The following AGBL4 variants were observed in gnomAD, a reference collection of about 807,000 sequenced individuals.
The protein encoded by AGBL4 is cytosolic carboxypeptidase 6.
Under a neutral mutation model 66.4 loss-of-function variants are expected in AGBL4, and 58 were observed. The ratio of observed to expected loss-of-function variants is 0.87; its 90% CI spans 0.71 to 1.09. The LOEUF is 1.09. Among genes scored for constraint, AGBL4 ranks in the 50% least tolerant of loss-of-function variants. The pLI is 0.00. For missense variants in AGBL4, 579 were observed against 631.0 expected (o/e 0.92, Z 0.88); for synonymous variants, 234 against 222.9 (o/e 1.05, Z -0.44).
At chr1:49,628,538 G>A (rs1171936271) in intron 3 of AGBL4, among the ~76,000 whole-genome samples, 3 of 152,156 alleles carry the variant, frequency 2.0e-5, no homozygotes, top group Non-Finnish European at 4.4e-5. Flanking sequence ...TCTACATGAA[G>A]AGGATGGGGT....
At chr1:49,736,721 C>T (rs1406225087) in intron 2 of AGBL4, among the ~76,000 whole-genome samples, 2 of 151,814 alleles carry the variant, frequency 1.3e-5, no homozygotes, top group East Asian at 1.9e-4. Flanking sequence ...ATCAACAGAG[C>T]AAACAGACAA....
At chr1:48,597,615 A>G (rs1645012970) in intron 9 of AGBL4, among the ~76,000 whole-genome samples, 1 of 151,442 alleles carries the variant, frequency 6.6e-6, no homozygotes, top group African/African-American at 2.4e-5. Context: ...TTGTCTTTCA[A>G]AAAGGAAATG....
At chr1:49,935,893 A>G (rs1653948282) in intron 1 of AGBL4, among the ~76,000 whole-genome samples, 2 of 152,202 alleles carry the variant, frequency 1.3e-5, no homozygotes, top group South Asian at 4.1e-4. Flanking sequence ...GGGAAAAAAC[A>G]GAGCAGAAAA....
At chr1:49,325,305 T>G (rs116367713) in intron 3 of AGBL4, among the ~76,000 whole-genome samples, 3 of 152,206 alleles carry the variant, frequency 2.0e-5, no homozygotes, top group Non-Finnish European at 4.4e-5. Flanking sequence ...TTAATGAAGA[T>G]AACTTACAAA....
chr1:49,767,645 A>T (rs754689175), intron 2 of AGBL4, among the ~76,000 whole-genome samples: 2 of 152,130 alleles, frequency 1.3e-5, no homozygotes, highest in Non-Finnish European at 2.9e-5. Context: ...AATCTATACA[A>T]ATGATCAACA....
At chr1:49,541,850 CTG>C (rs1379871774) in intron 3 of AGBL4, among the ~76,000 whole-genome samples, 2 of 152,192 alleles carry the variant, frequency 1.3e-5, no homozygotes, top group Admixed American at 6.5e-5. Flanking sequence ...AATCAGCACT[CTG>C]TGTCTAGCTC....
chr1:48,837,711 C>CACTATATATATATATATA (rs1471719980), intron 6 of AGBL4, among the ~76,000 whole-genome samples: 2 of 82,312 alleles, frequency 2.4e-5, no homozygotes, highest in Admixed American at 1.3e-4. Flanking sequence ...CACACACACA[C>CACTATATATATATATATA]TATATATATA....
intron 3 of AGBL4, among the ~76,000 whole-genome samples, chr1:49,542,766 C>T (rs187120407): frequency 6.9e-4 from 105 of 151,812 alleles, no homozygotes; most frequent in African/African-American, 2.1e-3. Context: ...GGTATGGTGG[C>T]GTACACCTGT....
intron 2 of AGBL4, among the ~76,000 whole-genome samples, chr1:49,772,679 C>G (rs1644096237): frequency 6.6e-6 from 1 of 152,138 alleles, no homozygotes; most frequent in Non-Finnish European, 1.5e-5. Context: ...TCATGCTATT[C>G]TCTGCTGGCT....
At chr1:49,886,065 C>T (rs561863380) in intron 1 of AGBL4, among the ~76,000 whole-genome samples, 15 of 152,106 alleles carry the variant, frequency 9.9e-5, no homozygotes, top group Non-Finnish European at 1.3e-4. Flanking sequence ...AATTTTCCAA[C>T]CTTTTACAGT....
intron 5 of AGBL4, among the ~76,000 whole-genome samples, chr1:48,979,703 A>G (rs530941746): frequency 6.6e-6 from 1 of 152,208 alleles, no homozygotes; most frequent in Admixed American, 6.5e-5. Context: ...AAGTTCAATT[A>G]AGTTTGTACT....
At chr1:49,862,765 G>C (rs1394860661) in intron 1 of AGBL4, among the ~76,000 whole-genome samples, 1 of 152,108 alleles carries the variant, frequency 6.6e-6, no homozygotes. Flanking sequence ...AAAGAAAAAA[G>C]CTTTTACCCT....
intron 4 of AGBL4, among the ~76,000 whole-genome samples, chr1:49,070,875 G>A (rs1415162778): frequency 2.0e-5 from 3 of 151,890 alleles, no homozygotes; most frequent in Non-Finnish European, 4.4e-5. Context: ...GTCTGTCCTG[G>A]ACTTTTTTTG....
At chr1:48,742,846 A>G in intron 6 of AGBL4, 1 of 1,402,304 alleles carries the variant, frequency 7.1e-7, no homozygotes, top group Non-Finnish European at 9.4e-7. Flanking sequence ...CTAGGCATCT[A>G]TCAGCACACC....
intron 5 of AGBL4, among the ~76,000 whole-genome samples, chr1:49,044,907 G>C (rs536345812): frequency 4.7e-4 from 72 of 152,280 alleles, no homozygotes; most frequent in South Asian, 4.6e-3. Flanking sequence ...AACCTAGTGA[G>C]ACTCATTTTG....
At chr1:49,170,813 A>T (rs1646725422) in intron 4 of AGBL4, among the ~76,000 whole-genome samples, 1 of 152,044 alleles carries the variant, frequency 6.6e-6, no homozygotes, top group Non-Finnish European at 1.5e-5. Context: ...ATCACCCAAA[A>T]GCTTAGTAAG....
chr1:49,255,797 T>C lies in AGBL4; in HGVS notation c.283-9933A>G, dbSNP rs192031347. Among the ~76,000 whole-genome samples the C allele has an allele frequency of 5.0e-4, 76 of 152,180 alleles. No individual in the cohort carries two copies. In the East Asian group the frequency reaches 0.013, roughly 26 times the overall value. On this transcript the variant is annotated intron_variant, in intron 3 of 13. Transcript: ENST00000371839. ...CAATGATAGAGTGGATAAAGCAAAT[T>C]TGATACACATATACCATGGAATACT...
chr1:48,989,830 T>C (rs1571172652), intron 5 of AGBL4, among the ~76,000 whole-genome samples: 1 of 151,994 alleles, frequency 6.6e-6, no homozygotes, highest in South Asian at 2.1e-4. Flanking sequence ...AGTGGTGCAA[T>C]AAACATGGGA....
At chr1:49,652,168 G>C (rs1453337143) in intron 3 of AGBL4, among the ~76,000 whole-genome samples, 2 of 151,962 alleles carry the variant, frequency 1.3e-5, no homozygotes, top group South Asian at 2.1e-4. Context: ...TTTATTTAAT[G>C]AACAAAGCCT....
Sources: gnomAD v4.1 joint callset for allele counts (sites outside exome capture counted in the v4.1 genomes callset) on GRCh38, gnomAD v4.1.1 for gene constraint, MANE v1.5 for transcripts, NCBI Gene and HGNC (gene_info 2026-07-23, HGNC 2026-07-21) for gene names.